The following SLC13A2 variants were observed in gnomAD, a reference collection of about 807,000 sequenced individuals.
SLC13A2 encodes Na(+)-coupled citrate transporter.
A neutral mutation model predicts 58.5 loss-of-function variants in SLC13A2; 40 were observed. The observed-to-expected ratio is 0.68, with a 90% CI of 0.53 to 0.89. SLC13A2 has a LOEUF of 0.89. SLC13A2 is among the 40% of genes least tolerant of loss of function. The pLI is 0.00. For synonymous variants in SLC13A2, 341 were observed against 331.6 expected, an observed-to-expected ratio of 1.03 and a Z score of -0.31; for missense variants, 694 against 772.6, an observed-to-expected ratio of 0.90 and a Z score of 1.21.
intron 7 of SLC13A2, 43 bp downstream of exon 7, chr17:28,493,832 A>G: frequency 1.2e-6 from 2 of 1,603,736 alleles, no homozygotes; most frequent in Non-Finnish European, 1.7e-6. Context: ...TCTGGGGCTC[A>G]CATGCTCGGG....
At chr17:28,489,193 C>A in intron 1 of SLC13A2, 21 bp from the exon 2 acceptor site, 1 of 1,611,226 alleles carries the variant, frequency 6.2e-7, no homozygotes, top group Non-Finnish European at 8.5e-7. Context: ...GACAGCTCTG[C>A]CGCTTCTCTC....
At position 28,490,592 on chromosome 17, in the gene SLC13A2, T is replaced by G. The variant is rs782413266; in HGVS notation, c.368+2T>G. On this transcript the variant is annotated splice_donor_variant, in intron 3 of 11. Coordinates refer to ENST00000314669, the MANE Select transcript of SLC13A2 (RefSeq NM_003984.4). LOFTEE classifies it high-confidence loss of function. ...CATCGTTGGGGTGCGGCCTGCCCCG[T>G]GAGTTCCTCCTGCAAACCAGCACGG... is the stretch of plus-strand genomic sequence containing the variant. The G allele has an allele frequency of 1.4e-5, 23 of 1,595,234 alleles. No homozygotes were observed. Among genetic ancestry groups the G allele is most frequent in the South Asian group, 5.6e-5 (5 of 89,028 alleles).
Position 28,497,093 on chromosome 17 carries a change from C to T in SLC13A2, c.1609-6C>T. 1 of 1,613,282 alleles carries T rather than the reference C, an allele frequency of 6.2e-7. No homozygotes were observed. Among genetic ancestry groups the T allele is most frequent in the Non-Finnish European group, 8.5e-7 (1 of 1,179,502 alleles). On this transcript the variant is annotated splice_polypyrimidine_tract_variant and splice_region_variant and intron_variant, in intron 11 of 11. Coordinates refer to ENST00000314669, the MANE Select transcript of SLC13A2 (RefSeq NM_003984.4). The stretch of plus-strand genomic sequence containing the variant: ...TGCTTAGCCAAATGGACTCTCCTCA[C>T]ACCAGGCCCGGGCAGGATTCCTCCT...
In SLC13A2 at chr17:28,493,997, C is replaced by T. The variant is rs570117646; in HGVS notation, c.1098-20C>T. 42 of 1,611,668 alleles carry T rather than the reference C, an allele frequency of 2.6e-5. No individual in the cohort carries two copies. The highest frequency in any genetic ancestry group is 3.5e-5 in the Non-Finnish European group (41 of 1,177,866). Reference sequence around the variant, plus strand: ...CCCAAGCGGCTAACCCAGCCCTCCCCGCGCCCCCTCCACCAACAGCATGGT... The same window carrying T: ...CCCAAGCGGCTAACCCAGCCCTCCCTGCGCCCCCTCCACCAACAGCATGGT... On this transcript the variant is annotated intron_variant, in intron 7 of 11. Transcript: ENST00000314669.
chr17:28,493,941 C>T (rs2069085352), intron 7 of SLC13A2, 76 bp from the exon 8 acceptor site: 5 of 1,505,246 alleles, frequency 3.3e-6, no homozygotes, highest in East Asian at 2.3e-5. Context: ...GGCTCATCTC[C>T]ACCACCCTCC....
chr17:28,488,764 A>T (rs2068940361), intron 1 of SLC13A2, among the ~76,000 whole-genome samples: 2 of 152,326 alleles, frequency 1.3e-5, no homozygotes, highest in African/African-American at 4.8e-5. Context: ...CTCCTAGCAA[A>T]GGGAACAAAC....
rs1009570537 is a variant in SLC13A2 at position 28,497,448 on chromosome 17, G to A, written c.*179G>A. 29 of 666,582 alleles carry A rather than the reference G, an allele frequency of 4.4e-5. No homozygotes were observed. Among genetic ancestry groups the A allele is most frequent in the African/African-American group, 4.2e-4 (23 of 55,224 alleles). 41.3% of individuals were successfully genotyped at this position (666,582 alleles called of 1,614,324 possible). A position where few individuals can be genotyped will look rare whatever the true frequency, so the allele number is the denominator to read the frequency against. On this transcript the variant is annotated 3_prime_UTR_variant, in exon 12 of 12. Transcript: ENST00000314669. ...GTGTATGCTCAGTTTCCTATGTGCT[G>A]GAATAAAAGGTGTGTGCATGTGTGT... is the stretch of plus-strand genomic sequence containing the variant.
chr17:28,493,145 T>A (rs1274606351), intron 6 of SLC13A2, among the ~76,000 whole-genome samples: 6 of 152,172 alleles, frequency 3.9e-5, no homozygotes, highest in African/African-American at 1.4e-4. Flanking sequence ...TGCAGCCTAC[T>A]GTGCCTCTGA....
chr17:28,486,425 T>A (rs1313983857), intron 1 of SLC13A2, among the ~76,000 whole-genome samples: 3 of 152,160 alleles, frequency 2.0e-5, no homozygotes, highest in African/African-American at 7.2e-5. Context: ...CATGCCCCAG[T>A]TAAGAATCTC....
At chr17:28,477,483 CAT>C (rs1567844238) in intron 1 of SLC13A2, among the ~76,000 whole-genome samples, 4 of 112,644 alleles carry the variant, frequency 3.6e-5, no homozygotes, top group Admixed American at 9.0e-5. Flanking sequence ...CGTGAGCCAC[CAT>C]GCCCGGCCAC....
chr17:28,477,408 A>G (rs371638528), intron 1 of SLC13A2, among the ~76,000 whole-genome samples: 58 of 151,672 alleles, frequency 3.8e-4, no homozygotes, highest in African/African-American at 4.6e-4. Flanking sequence ...GTTAGCCAGG[A>G]TGGTCTTGAT....
chr17:28,487,477 G>A lies in SLC13A2; in HGVS notation c.103-1737G>A, dbSNP rs2068902933. ...AATGCAACTTGTAAAAGCATTTGAA[G>A]CACATAGAATATGACGCCTGGCACA... is the stretch of plus-strand genomic sequence containing the variant. On this transcript the variant is annotated intron_variant, in intron 1 of 11. Transcript: ENST00000314669. 4.5e-6 allele frequency: 4 copies of A among 898,456 alleles called. No homozygotes were observed. The African/African-American group carries it at 7.2e-5, about 16-fold the overall frequency. The allele number at this position is 898,456 out of a possible 1,614,324, so 55.7% of individuals were successfully genotyped here. A position where few individuals can be genotyped will look rare whatever the true frequency, so the allele number is the denominator to read the frequency against.
intron 1 of SLC13A2, among the ~76,000 whole-genome samples, chr17:28,485,193 T>C (rs1396317778): frequency 6.6e-6 from 1 of 152,140 alleles, no homozygotes; most frequent in Non-Finnish European, 1.5e-5. Flanking sequence ...AGGAGAAAAC[T>C]CTTCCCTGCT....
At chr17:28,487,623 G>A (rs904601407) in intron 1 of SLC13A2, 6 of 977,946 alleles carry the variant, frequency 6.1e-6, no homozygotes, top group Non-Finnish European at 7.3e-6. Flanking sequence ...AGGACACCAG[G>A]GTCCAGGAGG....
chr17:28,487,738 G>A (rs1158010084), intron 1 of SLC13A2, among the ~76,000 whole-genome samples: 1 of 152,056 alleles, frequency 6.6e-6, no homozygotes, highest in African/African-American at 2.4e-5. Flanking sequence ...AGGGGGCTGG[G>A]TTTCTCTGTC....
chr17:28,496,987 C>G lies in SLC13A2; in HGVS notation c.1609-112C>G. ...GCAGGTTAGACCAACGGGAGGACTT[C>G]CCAGAGAGAATTTTGCTGGTAGGAG... On this transcript the variant is annotated intron_variant, in intron 11 of 11. Transcript: ENST00000314669. This position sits in a 1 kb window ranked among gnomAD's most constrained non-coding sequence, Gnocchi z 4.2. 1 of 1,140,108 alleles carries G rather than the reference C, an allele frequency of 8.8e-7. No individual in the cohort carries two copies. The highest frequency in any genetic ancestry group is 1.3e-6 in the Non-Finnish European group (1 of 780,022). 70.6% of individuals were successfully genotyped at this position (1,140,108 alleles called of 1,614,324 possible). A position where few individuals can be genotyped will look rare whatever the true frequency, so the allele number is the denominator to read the frequency against.
intron 1 of SLC13A2, among the ~76,000 whole-genome samples, chr17:28,486,044 A>C (rs2068875054): frequency 6.6e-6 from 1 of 152,238 alleles, no homozygotes; most frequent in East Asian, 1.9e-4. Context: ...TATACAAAAT[A>C]AAATGCATGG....
Position 28,494,255 on chromosome 17 carries a change from T to G in SLC13A2, c.1187-136T>G. 43 of 1,532,392 alleles carry G rather than the reference T, an allele frequency of 2.8e-5. No homozygotes were observed. Among genetic ancestry groups the G allele is most frequent in the Middle Eastern group, 1.7e-4 (1 of 5,888 alleles). The allele number at this position is 1,532,392 out of a possible 1,614,324, so 94.9% of individuals were successfully genotyped here. On this transcript the variant is annotated intron_variant, in intron 8 of 11. Coordinates refer to ENST00000314669, the MANE Select transcript of SLC13A2 (RefSeq NM_003984.4). The surrounding 1 kb of genome is among the most constrained non-coding windows in gnomAD (Gnocchi z 4.0). ...GGGCACAGGGACTCGGAGACAAAGTTGAGATGTTGCAGAACTGAGGGTCCC... is the reference window on the plus strand; with the variant it reads ...GGGCACAGGGACTCGGAGACAAAGTGGAGATGTTGCAGAACTGAGGGTCCC...
At chr17:28,477,057 G>A (rs1478399920) in intron 1 of SLC13A2, among the ~76,000 whole-genome samples, 1 of 151,936 alleles carries the variant, frequency 6.6e-6, no homozygotes, top group Non-Finnish European at 1.5e-5. Context: ...CTACTCGGGA[G>A]GCTGAAGCAG....
Sources: allele counts gnomAD v4.1 joint callset (sites outside exome capture counted in the v4.1 genomes callset), GRCh38; gene constraint gnomAD v4.1.1; non-coding constraint Gnocchi (gnomAD v3.1); transcripts MANE v1.5; gene names NCBI Gene and HGNC (gene_info 2026-07-23, HGNC 2026-07-21).